Variants in CLHC1 observed in about 807,000 individuals in gnomAD.
CLHC1 encodes the protein clathrin heavy chain linker domain-containing protein 1.
Under a neutral mutation model 69.5 loss-of-function variants are expected in CLHC1, and 72 were observed. The ratio of observed to expected loss-of-function variants is 1.04; its 90% CI spans 0.86 to 1.26. The LOEUF is 1.26. CLHC1 is among the 50% of genes most tolerant of loss of function. The probability of loss-of-function intolerance (pLI) is 0.00; values close to 1 mark genes in which losing one functional copy is unlikely to be tolerated. For missense variants in CLHC1, 790 were observed against 679.3 expected (o/e 1.16, Z -1.81); for synonymous variants, 223 against 224.3 (o/e 0.99, Z 0.05).
In CLHC1 at chr2:55,175,872, G is replaced by A; in HGVS notation, c.1679C>T (p.Ser560Phe). 6.2e-7 allele frequency: 1 copy of A among 1,614,018 alleles called. No individual in the cohort carries two copies. The highest frequency in any genetic ancestry group is 8.5e-7 in the Non-Finnish European group (1 of 1,179,904). Residue 560 changes from serine to phenylalanine, a missense_variant, in exon 13 of 13, where the codon TCT becomes TTT. Physicochemically the swap from Ser to Phe is radical, Grantham distance 155. Transcript: ENST00000401408. ...GFDKLSNDIT[S>F]ILRSQAAVTE... Reference sequence around the variant, plus strand: ...AACTGCAGCCTGAGATCGAAGAATAGACGTGATGTCATTAGATAATTTGTC... The same window carrying A: ...AACTGCAGCCTGAGATCGAAGAATAAACGTGATGTCATTAGATAATTTGTC...
intron 10 of CLHC1, 59 bp from the exon 11 acceptor site, chr2:55,180,771 T>C: frequency 2.2e-5 from 30 of 1,367,852 alleles, no homozygotes; most frequent in Non-Finnish European, 3.0e-5. Flanking sequence ...TGGCTGAGAC[T>C]GAAATATTTG....
At chr2:55,206,185 C>T in intron 9 of CLHC1, 85 bp downstream of exon 9, 1 of 760,916 alleles carries the variant, frequency 1.3e-6, no homozygotes, top group South Asian at 1.7e-5. Context: ...GATCTTTAGT[C>T]TCCCAGTTTA....
At chr2:55,210,728 AAT>A (rs1558497125) in intron 5 of CLHC1, among the ~76,000 whole-genome samples, 2 of 152,210 alleles carry the variant, frequency 1.3e-5, no homozygotes, top group African/African-American at 4.8e-5. Flanking sequence ...ACCCCAGAGT[AAT>A]CAGTTTATTA....
Position 55,177,610 on chromosome 2 carries a change from C to T in CLHC1, c.1556G>A (p.Gly519Asp), listed in dbSNP as rs746947773. The T allele has an allele frequency of 5.0e-6, 8 of 1,602,112 alleles. No homozygotes were observed. In the South Asian group the frequency reaches 7.8e-5, roughly 16 times the overall value. The change falls in exon 12 of 13, where the codon GGT becomes GAT. Residue 519 changes from glycine (G) to aspartate (D), a missense_variant. Gly to Asp is a moderately conservative substitution (Grantham distance 94). Transcript: ENST00000401408. Reference sequence around the variant, plus strand: ...CATTTTATTCTACTTACCTATCCCACCTTTATTGATTTCTTGAAGTAGCTT... The same window carrying T: ...CATTTTATTCTACTTACCTATCCCATCTTTATTGATTTCTTGAAGTAGCTT... ...GIKLLQEINK[G>D]GIDAVESLMI...
At chr2:55,224,430 T>C in intron 2 of CLHC1, 1 of 430,564 alleles carries the variant, frequency 2.3e-6, no homozygotes. Context: ...AAGGATCCCT[T>C]CACCTCCGAC....
chr2:55,195,818 A>T, intron 9 of CLHC1, among the ~76,000 whole-genome samples: 1 of 152,144 alleles, frequency 6.6e-6, no homozygotes, highest in East Asian at 1.9e-4. Context: ...ACAAACAAAC[A>T]AACAAAGAAC....
intron 2 of CLHC1, chr2:55,224,409 G>A: frequency 6.9e-6 from 3 of 433,650 alleles, no homozygotes; most frequent in Non-Finnish European, 1.4e-5. Context: ...CTGGAGGAAA[G>A]CTATGTCACA....
chr2:55,194,029 T>C (rs1443935235), intron 9 of CLHC1, among the ~76,000 whole-genome samples: 2 of 152,156 alleles, frequency 1.3e-5, no homozygotes, highest in East Asian at 1.9e-4. Context: ...GACCACATAG[T>C]GTATGATCCC....
Position 55,173,886 on chromosome 2 carries a change from G to A in CLHC1, c.*1904C>T, listed in dbSNP as rs1025852991. ...CAAAATTAGAATAACAACAACAACC[G>A]CTGTTTAAGCTTTCTCTAGATTTAT... On this transcript the variant is annotated 3_prime_UTR_variant, in exon 13 of 13. Coordinates refer to ENST00000401408, the MANE Select transcript of CLHC1 (RefSeq NM_152385.4). 2.6e-5 allele frequency among the ~76,000 whole-genome samples: 4 copies of A among 151,852 alleles called. No homozygotes were observed. The highest frequency in any genetic ancestry group is 5.9e-5 in the Non-Finnish European group (4 of 67,998).
At chr2:55,195,846 C>T (rs1389371333) in intron 9 of CLHC1, among the ~76,000 whole-genome samples, 1 of 151,968 alleles carries the variant, frequency 6.6e-6, no homozygotes, top group Non-Finnish European at 1.5e-5. Flanking sequence ...AAAAAAACTA[C>T]CTACACAAAA....
At position 55,209,391 on chromosome 2, in the gene CLHC1, A is replaced by G; in HGVS notation, c.814+13T>C. 1.3e-6 allele frequency: 2 copies of G among 1,501,500 alleles called. No individual in the cohort carries two copies. The highest frequency in any genetic ancestry group is 1.8e-6 in the Non-Finnish European group (2 of 1,096,020). The allele number at this position is 1,501,500 out of a possible 1,614,324, so 93.0% of individuals were successfully genotyped here. A position where few individuals can be genotyped will look rare whatever the true frequency, so the allele number is the denominator to read the frequency against. On this transcript the variant is annotated intron_variant, in intron 7 of 12. Coordinates refer to ENST00000401408, the MANE Select transcript of CLHC1 (RefSeq NM_152385.4). ...CCATTATTGGTACTAATTTAAAAAT[A>G]TAGATAATCTACCTTGTAAATATTT...
In CLHC1 at chr2:55,196,479, T is replaced by C. The variant is rs1671425094; in HGVS notation, c.1006+9791A>G. The stretch of plus-strand genomic sequence containing the variant: ...TGGAAGAGTAAAGAGGACTTTGTCT[T>C]GCAATTTGGATACCAGCTCAGCCAT... On this transcript the variant is annotated intron_variant, in intron 9 of 12. Transcript: ENST00000401408. 2.6e-5 allele frequency among the ~76,000 whole-genome samples: 4 copies of C among 152,136 alleles called. No individual in the cohort carries two copies. The South Asian group carries it at 8.3e-4, about 32-fold the overall frequency.
chr2:55,214,613 G>A (rs996716487), intron 4 of CLHC1: 12 of 152,194 alleles, frequency 7.9e-5, no homozygotes, highest in African/African-American at 2.9e-4. Context: ...CTCAGAGTAA[G>A]AGCTTACAGT....
In CLHC1 at chr2:55,228,421, C is replaced by CT. The variant is rs1674925194; in HGVS notation, c.-255-218dup. ...CAGAACACAGCTAAAGGGATTGTTC[C>CT]TTAACATCTACAAAATGCCATTGAG... On this transcript the variant is annotated intron_variant, in intron 1 of 12. Coordinates refer to ENST00000401408, the MANE Select transcript of CLHC1 (RefSeq NM_152385.4). Among the ~76,000 whole-genome samples, 2 of 152,206 alleles carry CT rather than the reference C, an allele frequency of 1.3e-5. 1 individual carries two copies. Among genetic ancestry groups the CT allele is most frequent in the South Asian group, 4.1e-4 (2 of 4,832 alleles).
intron 9 of CLHC1, among the ~76,000 whole-genome samples, chr2:55,186,379 G>A (rs527428923): frequency 3.3e-5 from 5 of 152,144 alleles, no homozygotes; most frequent in Non-Finnish European, 7.3e-5. Context: ...ACATCCATGA[G>A]CATGAGTTAG....
chr2:55,209,364 T>G, intron 7 of CLHC1, 40 bp downstream of exon 7: 1 of 1,289,796 alleles, frequency 7.8e-7, no homozygotes, highest in Non-Finnish European at 1.1e-6. Flanking sequence ...AAAAAATGTC[T>G]TCCATTATTG....
rs1184763435 is a variant in CLHC1 at position 55,175,804 on chromosome 2, G to T, written c.1747C>A (p.His583Asn). 6.2e-7 allele frequency: 1 copy of T among 1,613,712 alleles called. No individual in the cohort carries two copies. Among genetic ancestry groups the T allele is most frequent in the African/African-American group, 1.3e-5 (1 of 75,036 alleles). The change falls in exon 13 of 13, where the codon CAT (histidine) becomes AAT (asparagine). Residue 583 changes from histidine (H) to asparagine (N), a missense_variant. By Grantham distance (68) the His-to-Asn change is moderately conservative. Coordinates refer to ENST00000401408, the MANE Select transcript of CLHC1 (RefSeq NM_152385.4). ...EEDDAVNLME[H>N]VFW ...AAGATATAGAACTACCAAAACACAT[G>T]TTCCATTAGGTTGACTGCGTCATCC...
Position 55,175,679 on chromosome 2 carries a change from A to G in CLHC1, c.*111T>C. ...ATAACAAAAGTGTGATTTATTTCTG[A>G]GATCTTCTTACTCTAGATTTATTTA... On this transcript the variant is annotated 3_prime_UTR_variant, in exon 13 of 13. Coordinates refer to ENST00000401408, the MANE Select transcript of CLHC1 (RefSeq NM_152385.4). 1 of 660,596 alleles carries G rather than the reference A, an allele frequency of 1.5e-6. No homozygotes were observed. The highest frequency in any genetic ancestry group is 2.6e-6 in the Non-Finnish European group (1 of 391,878). 40.9% of individuals were successfully genotyped at this position (660,596 alleles called of 1,614,324 possible). A position where few individuals can be genotyped will look rare whatever the true frequency, so the allele number is the denominator to read the frequency against.
At chr2:55,225,984 A>G (rs1484000252) in intron 2 of CLHC1, 1 of 152,162 alleles carries the variant, frequency 6.6e-6, no homozygotes, top group Non-Finnish European at 1.5e-5. Context: ...CGAGGTCAGG[A>G]GATCGAGACC....
Sources: gnomAD v4.1 joint callset for allele counts (sites outside exome capture counted in the v4.1 genomes callset) on GRCh38, gnomAD v4.1.1 for gene constraint, MANE v1.5 for transcripts, NCBI Gene and HGNC (gene_info 2026-07-23, HGNC 2026-07-21) for gene names.